Variants in DYNC1I1 observed in about 807,000 individuals in gnomAD.
The protein encoded by DYNC1I1 is dynein cytoplasmic 1 intermediate chain 1.
Under a neutral mutation model 86.6 loss-of-function variants are expected in DYNC1I1, and 43 were observed. The ratio of observed to expected loss-of-function variants is 0.50; its 90% CI spans 0.39 to 0.64. DYNC1I1 has a LOEUF of 0.64. Ranked by LOEUF, DYNC1I1 falls within the 30% of genes least tolerant of loss-of-function variation. DYNC1I1 has a pLI of 0.00. For synonymous variants in DYNC1I1, 262 were observed against 283.7 expected (o/e 0.92, Z 0.77); for missense variants, 604 against 788.8 (o/e 0.77, Z 2.81).
At chr7:95,984,047 G>C (rs2283009) in intron 7 of DYNC1I1, among the ~76,000 whole-genome samples, 19,989 of 152,102 alleles carry the variant, frequency 0.13, 2,232 homozygotes, top group East Asian at 0.63. Flanking sequence ...TAACCAAATG[G>C]TGACTCTAAG....
At chr7:95,971,904 C>T (rs747774814) in intron 6 of DYNC1I1, among the ~76,000 whole-genome samples, 5 of 152,102 alleles carry the variant, frequency 3.3e-5, no homozygotes, top group African/African-American at 9.7e-5. Context: ...ACTCTCCACC[C>T]GAGCCAGCCT....
chr7:95,807,237 G>A (rs2706882), intron 2 of DYNC1I1, among the ~76,000 whole-genome samples: 96,269 of 151,918 alleles, frequency 0.63, 31,508 homozygotes, highest in African/African-American at 0.79. Flanking sequence ...GTTTCATGGG[G>A]TTGGAGCATT....
At chr7:95,970,334 G>A (rs373195677) in intron 6 of DYNC1I1, among the ~76,000 whole-genome samples, 3 of 152,184 alleles carry the variant, frequency 2.0e-5, no homozygotes, top group South Asian at 4.1e-4. Flanking sequence ...CAGCCTCCAC[G>A]TTGCTGCCAT....
At chr7:95,958,427 CAAATGTTTTTTTT>C (rs1792775858) in intron 6 of DYNC1I1, among the ~76,000 whole-genome samples, 1 of 152,008 alleles carries the variant, frequency 6.6e-6, no homozygotes, top group Non-Finnish European at 1.5e-5. Context: ...TCTGTCTCTA[CAAATGTTTTTTTT>C]AAAACATTGG....
intron 6 of DYNC1I1, among the ~76,000 whole-genome samples, chr7:95,878,745 G>A (rs1584119500): frequency 2.6e-5 from 4 of 152,148 alleles, no homozygotes; most frequent in East Asian, 1.9e-4. Context: ...TAAACTCCAA[G>A]TAAGATTAAA....
At chr7:96,078,547 G>A (rs1204571672) in intron 15 of DYNC1I1, among the ~76,000 whole-genome samples, 3 of 151,860 alleles carry the variant, frequency 2.0e-5, no homozygotes, top group Non-Finnish European at 4.4e-5. Flanking sequence ...TTAAAATATT[G>A]TTTCACTTTG....
chr7:96,075,840 G>C (rs1350853781), intron 14 of DYNC1I1, among the ~76,000 whole-genome samples: 2 of 150,432 alleles, frequency 1.3e-5, no homozygotes, highest in East Asian at 3.9e-4. Flanking sequence ...CCCGGTCCCA[G>C]CCACCAGCCC....
chr7:95,964,712 A>T (rs1792963290), intron 6 of DYNC1I1, among the ~76,000 whole-genome samples: 1 of 152,210 alleles, frequency 6.6e-6, no homozygotes, highest in Non-Finnish European at 1.5e-5. Context: ...AAACAAGTGA[A>T]GGTGAAGGGA....
At chr7:95,853,186 C>T (rs182680651) in intron 5 of DYNC1I1, among the ~76,000 whole-genome samples, 42 of 152,240 alleles carry the variant, frequency 2.8e-4, no homozygotes, top group African/African-American at 9.6e-4. Context: ...CTCCTAAACT[C>T]ATGTTGAAAT....
chr7:96,046,702 C>T (rs984649091), intron 14 of DYNC1I1, among the ~76,000 whole-genome samples: 15 of 152,172 alleles, frequency 9.9e-5, no homozygotes, highest in Admixed American at 9.2e-4. Context: ...TGGAGGAGAA[C>T]ACCAATCTGA....
intron 10 of DYNC1I1, among the ~76,000 whole-genome samples, chr7:96,022,360 T>C (rs1222707187): frequency 6.6e-6 from 1 of 152,182 alleles, no homozygotes; most frequent in Non-Finnish European, 1.5e-5. Context: ...TTCTAATCTA[T>C]GGGAAATCAA....
chr7:95,827,817 A>C (rs116360041), intron 4 of DYNC1I1, among the ~76,000 whole-genome samples: 55 of 152,290 alleles, frequency 3.6e-4, no homozygotes, highest in African/African-American at 1.3e-3. Flanking sequence ...ACTTGGTCTC[A>C]ACTTTCTTTC....
chr7:95,929,220 T>A (rs1299715379), intron 6 of DYNC1I1, among the ~76,000 whole-genome samples: 1 of 152,110 alleles, frequency 6.6e-6, no homozygotes, highest in Non-Finnish European at 1.5e-5. Context: ...AATATCCCTT[T>A]CCTTCACCCT....
intron 10 of DYNC1I1, among the ~76,000 whole-genome samples, chr7:96,016,131 A>AT (rs766414113): frequency 6.6e-6 from 1 of 152,226 alleles, no homozygotes; most frequent in Non-Finnish European, 1.5e-5. Context: ...CAAGGTTTAT[A>AT]TTCACCACAT....
chr7:95,955,334 T>C (rs1792682403), intron 6 of DYNC1I1, among the ~76,000 whole-genome samples: 1 of 152,180 alleles, frequency 6.6e-6, no homozygotes, highest in Non-Finnish European at 1.5e-5. Context: ...ATGAATTTTT[T>C]TTTTTAAAGA....
chr7:96,017,565 A>G (rs1794434063), intron 10 of DYNC1I1, among the ~76,000 whole-genome samples: 1 of 152,150 alleles, frequency 6.6e-6, no homozygotes. Flanking sequence ...TTTGCTGAAG[A>G]TGATTCTCTC....
At chr7:96,108,766 G>A (rs572642856) in intron 16 of DYNC1I1, among the ~76,000 whole-genome samples, 26 of 151,078 alleles carry the variant, frequency 1.7e-4, no homozygotes, top group African/African-American at 5.4e-4. Flanking sequence ...GGAGGCTGAG[G>A]CAGAGAATTG....
At chr7:95,994,893 A>G (rs986012325) in intron 9 of DYNC1I1, among the ~76,000 whole-genome samples, 1 of 152,158 alleles carries the variant, frequency 6.6e-6, no homozygotes, top group Admixed American at 6.5e-5. Context: ...GAAAATATTC[A>G]TTTGAAAGGT....
At chr7:95,991,716 G>A (rs139636305) in intron 9 of DYNC1I1, among the ~76,000 whole-genome samples, 1 of 152,082 alleles carries the variant, frequency 6.6e-6, no homozygotes, top group Non-Finnish European at 1.5e-5. Context: ...ACCAAGAGGG[G>A]TCTCCTGCAC....
Sources: gnomAD v4.1 joint callset for allele counts (sites outside exome capture counted in the v4.1 genomes callset) on GRCh38, gnomAD v4.1.1 for gene constraint, MANE v1.5 for transcripts, NCBI Gene and HGNC (gene_info 2026-07-23, HGNC 2026-07-21) for gene names.